Variants in ERBB4 observed in about 807,000 individuals in gnomAD.
The protein encoded by ERBB4 is receptor tyrosine-protein kinase erbB-4.
In ERBB4, 42 loss-of-function variants were observed where a neutral mutation model predicts 158.0. That is an observed-to-expected ratio of 0.27 (90% CI 0.21 to 0.34). The LOEUF is 0.34. Ranked by LOEUF, ERBB4 falls within the 10% of genes least tolerant of loss-of-function variation. The probability of loss-of-function intolerance (pLI) is 1.00; values close to 1 mark genes in which losing one functional copy is unlikely to be tolerated. For missense variants in ERBB4, 1,333 were observed against 1,624.1 expected, an observed-to-expected ratio of 0.82 and a Z score of 3.08; for synonymous variants, 583 against 558.7, an observed-to-expected ratio of 1.04 and a Z score of -0.61.
chr2:212,522,098 C>T (rs182393950), intron 1 of ERBB4, among the ~76,000 whole-genome samples: 3 of 152,020 alleles, frequency 2.0e-5, no homozygotes, highest in African/African-American at 7.2e-5. Context: ...TTTCATTTAT[C>T]GCCATATATA....
intron 2 of ERBB4, among the ~76,000 whole-genome samples, chr2:211,948,052 T>TG (rs1026422992): frequency 9.2e-5 from 14 of 152,196 alleles, no homozygotes; most frequent in African/African-American, 3.4e-4. Flanking sequence ...AGGTTTAAAA[T>TG]GGCTCTATTG....
intron 16 of ERBB4, among the ~76,000 whole-genome samples, chr2:211,654,562 C>G (rs1262682099): frequency 1.3e-5 from 2 of 152,128 alleles, no homozygotes; most frequent in Non-Finnish European, 2.9e-5. Flanking sequence ...TTACTAACTT[C>G]GTGAGGTTTT....
chr2:211,718,381 A>C (rs1391874305), intron 7 of ERBB4, among the ~76,000 whole-genome samples: 1 of 152,228 alleles, frequency 6.6e-6, no homozygotes, highest in Non-Finnish European at 1.5e-5. Flanking sequence ...GCTTGGGACC[A>C]GATGTGTTTC....
intron 20 of ERBB4, chr2:211,535,587 G>A (rs1432090459): frequency 1.1e-5 from 1 of 92,634 alleles, no homozygotes; most frequent in Non-Finnish European, 2.6e-5. Context: ...GAGAGAGAGT[G>A]TATGTGTGTG....
chr2:211,798,719 A>G (rs1394314258), intron 3 of ERBB4, among the ~76,000 whole-genome samples: 3 of 152,142 alleles, frequency 2.0e-5, no homozygotes, highest in Non-Finnish European at 4.4e-5. Context: ...GATACATGAA[A>G]TCCCCATTAA....
chr2:211,427,340 T>C (rs1182122616), intron 22 of ERBB4, among the ~76,000 whole-genome samples: 2 of 152,138 alleles, frequency 1.3e-5, no homozygotes, highest in South Asian at 2.1e-4. Flanking sequence ...ATTATGCTTT[T>C]TATTTGTAAG....
Position 212,513,707 on chromosome 2 carries a change from G to A in ERBB4, c.82+24742C>T, listed in dbSNP as rs983221193. Among the ~76,000 whole-genome samples the A allele has an allele frequency of 1.5e-4, 23 of 152,168 alleles. 1 individual carries two copies. Among genetic ancestry groups the A allele is most frequent in the Admixed American group, 1.4e-3 (22 of 15,288 alleles). ...GCGCCTGTAGTCCCAGCTACTCCGG[G>A]AGGCTGAGGCAGGAGAATGGCATGA... On this transcript the variant is annotated intron_variant, in intron 1 of 27. Coordinates refer to ENST00000342788, the MANE Select transcript of ERBB4 (RefSeq NM_005235.3).
intron 1 of ERBB4, among the ~76,000 whole-genome samples, chr2:212,204,689 T>C (rs191861907): frequency 9.0e-4 from 130 of 145,144 alleles, no homozygotes; most frequent in Middle Eastern, 3.5e-3. Context: ...AGAGTGAGAC[T>C]CTGTCCCCCA....
chr2:212,486,937 A>G (rs1487995676), intron 1 of ERBB4, among the ~76,000 whole-genome samples: 1 of 152,216 alleles, frequency 6.6e-6, no homozygotes, highest in Admixed American at 6.5e-5. Context: ...CATTAAAAAT[A>G]ACATTTTAAA....
intron 1 of ERBB4, among the ~76,000 whole-genome samples, chr2:212,129,180 T>C (rs1056858860): frequency 1.1e-4 from 17 of 151,662 alleles, no homozygotes; most frequent in African/African-American, 2.9e-4. Context: ...GCAACCTATA[T>C]ATAATTTATG....
intron 2 of ERBB4, among the ~76,000 whole-genome samples, chr2:212,045,103 G>T (rs2077228877): frequency 6.6e-6 from 1 of 152,144 alleles, no homozygotes; most frequent in Non-Finnish European, 1.5e-5. Context: ...ATTGGTAATT[G>T]TCTTCTCAAC....
chr2:211,916,336 C>T (rs1575371928), intron 3 of ERBB4, among the ~76,000 whole-genome samples: 1 of 151,970 alleles, frequency 6.6e-6, no homozygotes, highest in Non-Finnish European at 1.5e-5. Flanking sequence ...CCTGCCACCA[C>T]ACCCAGCTAA....
chr2:211,681,602 T>C lies in ERBB4; in HGVS notation c.1490-2418A>G, dbSNP rs553096129. ...TTCCTGATTGTGGTTTTGATTCACATTTTCCTAATGATTAAAAATGTTGAA... is the reference window on the plus strand; with the variant it reads ...TTCCTGATTGTGGTTTTGATTCACACTTTCCTAATGATTAAAAATGTTGAA... On this transcript the variant is annotated intron_variant, in intron 12 of 27. Coordinates refer to ENST00000342788, the MANE Select transcript of ERBB4 (RefSeq NM_005235.3). Among the ~76,000 whole-genome samples, 7 of 152,310 alleles carry C rather than the reference T, an allele frequency of 4.6e-5. No homozygotes were observed. In the East Asian group the frequency reaches 1.2e-3, roughly 25 times the overall value.
At position 212,470,170 on chromosome 2, in the gene ERBB4, T is replaced by C. The variant is rs183768051; in HGVS notation, c.82+68279A>G. On this transcript the variant is annotated intron_variant, in intron 1 of 27. Transcript: ENST00000342788. ...GCAAAGACTGCTAATTCATTATTTG[T>C]TGTCACCCATACCCAACCAAGATAT... 3.1e-3 allele frequency among the ~76,000 whole-genome samples: 471 copies of C among 152,272 alleles called. 3 individuals carry two copies. Among genetic ancestry groups the C allele is most frequent in the African/African-American group, 0.011 (454 of 41,574 alleles).
intron 25 of ERBB4, among the ~76,000 whole-genome samples, chr2:211,418,892 TC>T (rs1182607934): frequency 6.6e-6 from 1 of 152,112 alleles, no homozygotes; most frequent in Non-Finnish European, 1.5e-5. Context: ...AGTTATCTAT[TC>T]CCCATTGGGC....
In ERBB4 at chr2:211,430,999, C is replaced by T. The variant is rs2063737696; in HGVS notation, c.2589G>A (p.Gly863=). ...CATCTCCTTCCAAGAGTCTGGCTAG[C>T]CCAAAATCTGTGATTTTCACATGGT... ...SPNHVKITDF[G]LARLLEGDEK... Residue 863 remains glycine, a synonymous_variant, in exon 21 of 28, where the codon GGG becomes GGA. Coordinates refer to ENST00000342788, the MANE Select transcript of ERBB4 (RefSeq NM_005235.3). 1.9e-6 allele frequency: 3 copies of T among 1,613,838 alleles called. No homozygotes were observed. Among genetic ancestry groups the T allele is most frequent in the Non-Finnish European group, 2.5e-6 (3 of 1,179,762 alleles).
intron 1 of ERBB4, among the ~76,000 whole-genome samples, chr2:212,481,908 G>A (rs1352403176): frequency 6.6e-6 from 1 of 152,150 alleles, no homozygotes; most frequent in Non-Finnish European, 1.5e-5. Flanking sequence ...ATTACACTTA[G>A]CTATTTAGAG....
Position 212,124,638 on chromosome 2 carries a change from A to T in ERBB4, c.234+114T>A. 5.9e-6 allele frequency: 7 copies of T among 1,185,810 alleles called. No homozygotes were observed. The Admixed American group carries it at 1.2e-4, about 21-fold the overall frequency. The allele number at this position is 1,185,810 out of a possible 1,614,324, so 73.5% of individuals were successfully genotyped here. A position where few individuals can be genotyped will look rare whatever the true frequency, so the allele number is the denominator to read the frequency against. On this transcript the variant is annotated intron_variant, in intron 2 of 27. Coordinates refer to ENST00000342788, the MANE Select transcript of ERBB4 (RefSeq NM_005235.3). ...TCTCTTATCTTTTGCCTATAGTCACAGTGCCTGCCAGGCAGAAGAGCACCC... is the reference window on the plus strand; with the variant it reads ...TCTCTTATCTTTTGCCTATAGTCACTGTGCCTGCCAGGCAGAAGAGCACCC...
At chr2:212,104,958 C>T (rs1369545340) in intron 2 of ERBB4, among the ~76,000 whole-genome samples, 6 of 152,198 alleles carry the variant, frequency 3.9e-5, no homozygotes, top group African/African-American at 9.6e-5. Flanking sequence ...AAAATGTTAA[C>T]GAATTTGCCC....
Sources: gnomAD v4.1 joint callset for allele counts (sites outside exome capture counted in the v4.1 genomes callset) on GRCh38, gnomAD v4.1.1 for gene constraint, MANE v1.5 for transcripts, NCBI Gene and HGNC (gene_info 2026-07-23, HGNC 2026-07-21) for gene names.